Variants in CSNK1G1 observed in about 807,000 individuals in gnomAD.
The protein encoded by CSNK1G1 is casein kinase 1 gamma 1.
Under a neutral mutation model 59.6 loss-of-function variants are expected in CSNK1G1, and 22 were observed. The observed-to-expected ratio is 0.37, with a 90% CI of 0.26 to 0.53. The LOEUF is 0.53. CSNK1G1 is among the 20% of genes least tolerant of loss of function. The probability of loss-of-function intolerance (pLI) is 0.89; values close to 1 mark genes in which losing one functional copy is unlikely to be tolerated. For synonymous variants in CSNK1G1, 179 were observed against 177.1 expected (o/e 1.01, Z -0.08); for missense variants, 384 against 519.5 (o/e 0.74, Z 2.54).
At chr15:64,336,396 G>A (rs1165391919) in intron 1 of CSNK1G1, among the ~76,000 whole-genome samples, 2 of 152,136 alleles carry the variant, frequency 1.3e-5, no homozygotes, top group Non-Finnish European at 2.9e-5. Context: ...TTCTACTGAA[G>A]TCAGCATAAA....
At chr15:64,244,301 A>C (rs1891635461) in intron 4 of CSNK1G1, among the ~76,000 whole-genome samples, 1 of 151,706 alleles carries the variant, frequency 6.6e-6, no homozygotes, top group East Asian at 1.9e-4. Flanking sequence ...GAATAAATTC[A>C]ACCAAGGATA....
intron 4 of CSNK1G1, among the ~76,000 whole-genome samples, chr15:64,218,039 G>A (rs1443007404): frequency 6.6e-6 from 1 of 151,646 alleles, no homozygotes; most frequent in Non-Finnish European, 1.5e-5. Flanking sequence ...CTGCCTCCCG[G>A]ACTAACGCGA....
intron 1 of CSNK1G1, among the ~76,000 whole-genome samples, chr15:64,314,897 T>A (rs1296361611): frequency 6.6e-6 from 1 of 152,214 alleles, no homozygotes; most frequent in South Asian, 2.1e-4. Context: ...CTTAGGTTGA[T>A]TCCATAACTT....
chr15:64,333,257 C>CAAAAAAAAAAAAAA (rs60857897), intron 1 of CSNK1G1, among the ~76,000 whole-genome samples: 1 of 16,508 alleles, frequency 6.1e-5, no homozygotes, highest in Non-Finnish European at 9.5e-5. Flanking sequence ...GACTCCATCT[C>CAAAAAAAAAAAAAA]AAAAAAAAAA....
chr15:64,217,250 A>AGGGAGTC (rs1478951730), intron 4 of CSNK1G1, among the ~76,000 whole-genome samples: 6 of 152,176 alleles, frequency 3.9e-5, no homozygotes, highest in African/African-American at 1.4e-4. Context: ...CTCTTTTCAC[A>AGGGAGTC]GGGAGTCTCT....
chr15:64,244,485 T>A (rs1431169616), intron 4 of CSNK1G1, among the ~76,000 whole-genome samples: 1 of 151,732 alleles, frequency 6.6e-6, no homozygotes, highest in Non-Finnish European at 1.5e-5. Context: ...ACACAATCCA[T>A]ATCAAAATAC....
chr15:64,180,525 G>A, intron 10 of CSNK1G1, 71 bp from the exon 11 acceptor site: 2 of 1,242,236 alleles, frequency 1.6e-6, no homozygotes, highest in Non-Finnish European at 2.4e-6. Flanking sequence ...GCCAGACAGG[G>A]TCGCTAAACA....
At position 64,170,154 on chromosome 15, in the gene CSNK1G1, TC is replaced by T. The variant is rs1156670671; in HGVS notation, c.*1776del. The T allele has an allele frequency of 6.6e-6, 1 of 152,028 alleles. No homozygotes were observed. The highest frequency in any genetic ancestry group is 1.5e-5 in the Non-Finnish European group (1 of 68,016). 9.4% of individuals were successfully genotyped at this position (152,028 alleles called of 1,614,324 possible). A position where few individuals can be genotyped will look rare whatever the true frequency, so the allele number is the denominator to read the frequency against. On this transcript the variant is annotated 3_prime_UTR_variant, in exon 12 of 12. Coordinates refer to ENST00000303052, the MANE Select transcript of CSNK1G1 (RefSeq NM_022048.5). The stretch of plus-strand genomic sequence containing the variant: ...CTTCTGTCACCGCTGGAATGAGGAG[TC>T]ATTGTTTGGTTAAGCCACTAAACTC...
chr15:64,316,398 T>C (rs911823305), intron 1 of CSNK1G1, among the ~76,000 whole-genome samples: 2 of 151,774 alleles, frequency 1.3e-5, no homozygotes. Context: ...TAGCCGGGCA[T>C]GGTGGCACAC....
chr15:64,311,905 C>T (rs1896018825), intron 1 of CSNK1G1, among the ~76,000 whole-genome samples: 1 of 152,116 alleles, frequency 6.6e-6, no homozygotes, highest in Admixed American at 6.6e-5. Context: ...TGATAAGCAA[C>T]TTCAGCAAAG....
At chr15:64,251,941 T>C (rs945872988) in intron 3 of CSNK1G1, among the ~76,000 whole-genome samples, 2 of 152,168 alleles carry the variant, frequency 1.3e-5, no homozygotes, top group African/African-American at 4.8e-5. Flanking sequence ...TTGTTCAGAA[T>C]TTTGGGTGGT....
At chr15:64,313,338 T>C (rs982630221) in intron 1 of CSNK1G1, among the ~76,000 whole-genome samples, 7 of 152,130 alleles carry the variant, frequency 4.6e-5, no homozygotes, top group African/African-American at 1.7e-4. Flanking sequence ...TAGCAAAGAC[T>C]TGGAACCAAC....
At chr15:64,217,504 C>A (rs1392315876) in intron 4 of CSNK1G1, among the ~76,000 whole-genome samples, 1 of 152,020 alleles carries the variant, frequency 6.6e-6, no homozygotes. Flanking sequence ...TAACTGGTAC[C>A]ATGAGAATAG....
At chr15:64,192,621 G>C (rs2081986332) in intron 10 of CSNK1G1, among the ~76,000 whole-genome samples, 1 of 152,004 alleles carries the variant, frequency 6.6e-6, no homozygotes, top group African/African-American at 2.4e-5. Flanking sequence ...CACTTTGGGA[G>C]GCTGAGGGGG....
At chr15:64,324,062 G>A (rs1391860810) in intron 1 of CSNK1G1, among the ~76,000 whole-genome samples, 4 of 152,124 alleles carry the variant, frequency 2.6e-5, no homozygotes, top group South Asian at 2.1e-4. Flanking sequence ...AGTAAGATGC[G>A]TAACAAAACT....
intron 1 of CSNK1G1, among the ~76,000 whole-genome samples, chr15:64,336,578 A>T (rs900494178): frequency 4.0e-5 from 6 of 151,612 alleles, no homozygotes; most frequent in African/African-American, 1.5e-4. Flanking sequence ...GGCAACTTAG[A>T]AAGACTCCAT....
At chr15:64,198,909 G>A (rs570020400) in intron 10 of CSNK1G1, among the ~76,000 whole-genome samples, 1 of 151,744 alleles carries the variant, frequency 6.6e-6, no homozygotes, top group Non-Finnish European at 1.5e-5. Context: ...TTACATCAAC[G>A]TGAAGGAATT....
intron 4 of CSNK1G1, among the ~76,000 whole-genome samples, chr15:64,232,480 T>C (rs1039801252): frequency 2.6e-5 from 4 of 152,228 alleles, no homozygotes; most frequent in African/African-American, 9.6e-5. Flanking sequence ...TTTAATATAA[T>C]ACAGTAGATA....
intron 2 of CSNK1G1, among the ~76,000 whole-genome samples, chr15:64,278,204 T>G (rs1316828443): frequency 6.7e-6 from 1 of 150,300 alleles, no homozygotes; most frequent in African/African-American, 2.4e-5. Flanking sequence ...CCACCACCAC[T>G]CTTGGCTAAT....
Sources: allele counts gnomAD v4.1 joint callset (sites outside exome capture counted in the v4.1 genomes callset), GRCh38; gene constraint gnomAD v4.1.1; transcripts MANE v1.5; gene names NCBI Gene and HGNC (gene_info 2026-07-23, HGNC 2026-07-21).